The following HSPG2 variants were observed in gnomAD, a reference collection of about 807,000 sequenced individuals.
HSPG2 encodes basement membrane-specific heparan sulfate proteoglycan core protein.
A neutral mutation model predicts 526.6 loss-of-function variants in HSPG2; 278 were observed. The ratio of observed to expected loss-of-function variants is 0.53; its 90% CI spans 0.48 to 0.58. The LOEUF is 0.58. Ranked by LOEUF, HSPG2 falls within the 20% of genes least tolerant of loss-of-function variation. The pLI, the probability that HSPG2 is intolerant of heterozygous loss-of-function variation, is 0.00. For synonymous variants in HSPG2, 2,465 were observed against 2,555.4 expected (o/e 0.96, Z 1.07); for missense variants, 5,354 against 6,099.5 (o/e 0.88, Z 4.07).
In HSPG2 at chr1:21,871,335, C is replaced by A. The variant is rs140360706; in HGVS notation, c.4221+851G>T. Among the ~76,000 whole-genome samples the A allele has an allele frequency of 3.6e-3, 536 of 148,582 alleles. 3 individuals carry two copies. The highest frequency in any genetic ancestry group is 0.013 in the African/African-American group (506 of 40,412). ...AGTGCAATGGTGCAATTATGGCTCACTGCAACCTCCCCATCCTGGGTACCA... is the reference window on the plus strand; with the variant it reads ...AGTGCAATGGTGCAATTATGGCTCAATGCAACCTCCCCATCCTGGGTACCA... On this transcript the variant is annotated intron_variant, in intron 33 of 96. Transcript: ENST00000374695.
chr1:21,837,584 C>T (rs569494000), intron 74 of HSPG2, among the ~76,000 whole-genome samples: 7 of 152,134 alleles, frequency 4.6e-5, no homozygotes, highest in Non-Finnish European at 8.8e-5. Flanking sequence ...CCACCGCGCC[C>T]GGCCATACTC....
In HSPG2 at chr1:21,849,737, C is replaced by T. The variant is rs189842669; in HGVS notation, c.7446+304G>A. On this transcript the variant is annotated intron_variant, in intron 57 of 96. Coordinates refer to ENST00000374695, the MANE Select transcript of HSPG2 (RefSeq NM_005529.7). ...CTCTGTCGCCCAGGCTGGAGTGCAACGGCACGATCTCGGCTCACTGCAACC... is the reference window on the plus strand; with the variant it reads ...CTCTGTCGCCCAGGCTGGAGTGCAATGGCACGATCTCGGCTCACTGCAACC... Among the ~76,000 whole-genome samples, 327 of 151,852 alleles carry T rather than the reference C, an allele frequency of 2.2e-3. 2 individuals are homozygous for T. The highest frequency in any genetic ancestry group is 7.2e-3 in the African/African-American group (300 of 41,394).
At chr1:21,846,055 T>G in intron 64 of HSPG2, 53 bp downstream of exon 64, 1 of 1,602,064 alleles carries the variant, frequency 6.2e-7, no homozygotes, top group Non-Finnish European at 8.5e-7. Context: ...CCCCCTGGTC[T>G]CTGTCCCTTC....
chr1:21,900,678 A>T (rs1643048321), intron 1 of HSPG2, among the ~76,000 whole-genome samples: 1 of 152,190 alleles, frequency 6.6e-6, no homozygotes, highest in Non-Finnish European at 1.5e-5. Context: ...TGAGGCCAGA[A>T]GTTCGAGACC....
chr1:21,892,773 G>C (rs907332152), intron 3 of HSPG2, among the ~76,000 whole-genome samples: 1 of 148,836 alleles, frequency 6.7e-6, no homozygotes, highest in African/African-American at 2.5e-5. Context: ...CAGGAGGATT[G>C]CTTGAATCAG....
At chr1:21,896,008 T>C in intron 2 of HSPG2, 42 bp from the exon 3 acceptor site, 1 of 1,608,260 alleles carries the variant, frequency 6.2e-7, no homozygotes, top group East Asian at 2.2e-5. Context: ...AACAAGTATT[T>C]GTTGAGTACC....
At chr1:21,916,444 G>T (rs1031922728) in intron 1 of HSPG2, among the ~76,000 whole-genome samples, 1 of 152,124 alleles carries the variant, frequency 6.6e-6, no homozygotes, top group East Asian at 1.9e-4. Context: ...GGCAAAGCTC[G>T]CGGTGAACCG....
Position 21,865,605 on chromosome 1 carries a change from C to T in HSPG2, c.4314+112G>A. 1 of 1,005,974 alleles carries T rather than the reference C, an allele frequency of 9.9e-7. No homozygotes were observed. The highest frequency in any genetic ancestry group is 1.6e-6 in the Non-Finnish European group (1 of 631,348). 62.3% of individuals were successfully genotyped at this position (1,005,974 alleles called of 1,614,324 possible). On this transcript the variant is annotated intron_variant, in intron 34 of 96. Coordinates refer to ENST00000374695, the MANE Select transcript of HSPG2 (RefSeq NM_005529.7). The surrounding 1 kb of genome is among the most constrained non-coding windows in gnomAD (Gnocchi z 5.4). ...GGGGGCATGGGCCTAACTCCCCCAGCCTGTGCCAGAAAACTGAGTGCTGGA... is the reference window on the plus strand; with the variant it reads ...GGGGGCATGGGCCTAACTCCCCCAGTCTGTGCCAGAAAACTGAGTGCTGGA...
intron 1 of HSPG2, among the ~76,000 whole-genome samples, chr1:21,931,465 G>A (rs549412883): frequency 1.3e-5 from 2 of 152,354 alleles, no homozygotes; most frequent in East Asian, 3.9e-4. Context: ...GCAGGAGCAG[G>A]AGCGAGAGGA....
intron 33 of HSPG2, among the ~76,000 whole-genome samples, chr1:21,866,789 A>G (rs947918667): frequency 2.0e-5 from 3 of 152,188 alleles, no homozygotes; most frequent in African/African-American, 7.2e-5. Context: ...AACTGCATCA[A>G]GCCTACCTCT....
At chr1:21,876,870 C>A (rs2152749729) in intron 21 of HSPG2, among the ~76,000 whole-genome samples, 1 of 152,238 alleles carries the variant, frequency 6.6e-6, no homozygotes, top group African/African-American at 2.4e-5. Flanking sequence ...ACCAGCCTGG[C>A]CAACATGGCA....
chr1:21,832,155 C>T (rs559918872), intron 81 of HSPG2, among the ~76,000 whole-genome samples: 1 of 152,306 alleles, frequency 6.6e-6, no homozygotes, highest in South Asian at 2.1e-4. Context: ...AGTGAGAATA[C>T]ACCTCTTCCC....
In HSPG2 at chr1:21,859,859, T is replaced by A; in HGVS notation, c.5158A>T (p.Ser1720Cys). Residue 1720 changes from serine to cysteine, a missense_variant, in exon 41 of 97, where the codon AGC becomes TGC. Ser to Cys is a moderately radical substitution (Grantham distance 112). Transcript: ENST00000374695. The surrounding 1 kb of genome is among the most constrained non-coding windows in gnomAD (Gnocchi z 5.3). The stretch of plus-strand genomic sequence containing the variant: ...CCTTGATGTCGCTGCTGGGTGCCGC[T>A]GGGCACAGGCCGCCCATCCTCACGG... ...WSREDGRPVP[S>C]GTQQRHQGSE... 6.2e-7 allele frequency: 1 copy of A among 1,611,518 alleles called. No homozygotes were observed. The highest frequency in any genetic ancestry group is 1.7e-5 in the Admixed American group (1 of 59,882).
intron 33 of HSPG2, chr1:21,870,972 G>A (rs1446727948): frequency 1.4e-6 from 1 of 698,888 alleles, no homozygotes; most frequent in South Asian, 6.4e-5. Context: ...ACCCCAGAAG[G>A]GAGAGGGGAG....
At chr1:21,840,331 G>T (rs2098043531) in intron 71 of HSPG2, among the ~76,000 whole-genome samples, 1 of 151,674 alleles carries the variant, frequency 6.6e-6, no homozygotes. Flanking sequence ...GTTTTTTGAG[G>T]GTCTTGCTCT....
rs758871690 is a variant in HSPG2 at position 21,841,268 on chromosome 1, C to G, written c.9346G>C (p.Val3116Leu). ...LSVHGPPTVSVLPEGPVWVKV... is the reference protein window; with the variant it reads ...LSVHGPPTVSLLPEGPVWVKV... ...ACCCACACGGGGCCCTCGGGGAGCA[C>G]GGACACTGTAGGGGGCCCTGTGCGG... Residue 3116 changes from valine to leucine, a missense_variant, in exon 71 of 97, where the codon GTG becomes CTG. Physicochemically the swap from Val to Leu is conservative, Grantham distance 32 (BLOSUM62 1). Transcript: ENST00000374695. 6.8e-6 allele frequency: 11 copies of G among 1,613,646 alleles called. No homozygotes were observed. The African/African-American group carries it at 9.3e-5, about 14-fold the overall frequency.
intron 33 of HSPG2, chr1:21,870,872 C>T (rs544570827): frequency 2.0e-6 from 2 of 986,376 alleles, no homozygotes; most frequent in African/African-American, 1.7e-5. Flanking sequence ...TACGCCTCCC[C>T]CTGTGGGGCG....
chr1:21,877,014 G>A (rs1259733351), intron 21 of HSPG2, among the ~76,000 whole-genome samples: 2 of 144,284 alleles, frequency 1.4e-5, no homozygotes, highest in East Asian at 2.0e-4. Context: ...AGCCGAGATC[G>A]CGCCACTGCA....
chr1:21,854,100 C>T (rs1639136521), intron 50 of HSPG2, 93 bp downstream of exon 50: 8 of 1,349,136 alleles, frequency 5.9e-6, no homozygotes, highest in Middle Eastern at 3.7e-4. Context: ...GCCTGGAATG[C>T]CCCCCTGTCC....
Sources: allele counts gnomAD v4.1 joint callset (sites outside exome capture counted in the v4.1 genomes callset), GRCh38; gene constraint gnomAD v4.1.1; non-coding constraint Gnocchi (gnomAD v3.1); transcripts MANE v1.5; gene names NCBI Gene and HGNC (gene_info 2026-07-23, HGNC 2026-07-21).